The following GOLT1B variants were observed in gnomAD, a reference collection of about 807,000 sequenced individuals.
The protein encoded by GOLT1B is golgi transport 1B.
Under a neutral mutation model 15.4 loss-of-function variants are expected in GOLT1B, and 3 were observed. That is an observed-to-expected ratio of 0.19 (90% CI 0.09 to 0.50). The LOEUF (loss-of-function observed/expected upper bound fraction) is 0.50. GOLT1B is among the 20% of genes least tolerant of loss of function. The probability of loss-of-function intolerance (pLI) is 0.97; values close to 1 mark genes in which losing one functional copy is unlikely to be tolerated. For synonymous variants in GOLT1B, 65 were observed against 56.2 expected (o/e 1.16, Z -0.70); for missense variants, 145 against 160.4 (o/e 0.90, Z 0.52).
intron 1 of GOLT1B, chr12:21,504,527 T>G (rs759978265): frequency 2.0e-6 from 1 of 497,480 alleles, no homozygotes; most frequent in South Asian, 1.5e-5. Context: ...GTTGTAGTTG[T>G]AGGACCATTG....
intron 1 of GOLT1B, among the ~76,000 whole-genome samples, chr12:21,502,706 C>G (rs909084029): frequency 2.0e-5 from 3 of 152,094 alleles, no homozygotes; most frequent in Non-Finnish European, 4.4e-5. Flanking sequence ...GTTTCCTTTT[C>G]TTTCATTATA....
At chr12:21,514,302 A>G (rs768833) in intron 4 of GOLT1B, among the ~76,000 whole-genome samples, 56,248 of 152,142 alleles carry the variant, frequency 0.37, 10,904 homozygotes, top group East Asian at 0.45. Flanking sequence ...AAAGTTGTTC[A>G]CAGATTTTTA....
intron 4 of GOLT1B, among the ~76,000 whole-genome samples, chr12:21,514,667 C>A (rs2136811001): frequency 6.6e-6 from 1 of 152,250 alleles, no homozygotes; most frequent in Admixed American, 6.5e-5. Context: ...CATTAATCTG[C>A]AAATTCATAC....
chr12:21,501,912 A>G lies in GOLT1B; in HGVS notation c.-12A>G, dbSNP rs773711610. 6.2e-7 allele frequency: 1 copy of G among 1,602,042 alleles called. No individual in the cohort carries two copies. Among genetic ancestry groups the G allele is most frequent in the East Asian group, 2.2e-5 (1 of 44,774 alleles). The stretch of plus-strand genomic sequence containing the variant: ...CCGAGGTGCTGTCGCCGCTGTCCCC[A>G]CCACTGCAGCCATGATCTCCTTAAC... On this transcript the variant is annotated 5_prime_UTR_variant, in exon 1 of 5. Coordinates refer to ENST00000229314, the MANE Select transcript of GOLT1B (RefSeq NM_016072.5).
In GOLT1B at chr12:21,512,363, C is replaced by A. The variant is rs1194677848; in HGVS notation, c.365C>A (p.Pro122His). ...VPVLGSLLNL[P>H]GIRSFVDKVG... is the part of the protein sequence containing the mutation. The stretch of plus-strand genomic sequence containing the variant: ...GTCCTTGGATCCCTCCTAAATTTAC[C>A]TGGAATTAGATCAGTAAGTAATCAT... The change falls in exon 4 of 5, where the codon CCT (proline) becomes CAT (histidine). Residue 122 changes from proline to histidine, a missense_variant. Transcript: ENST00000229314. 6.8e-7 allele frequency: 1 copy of A among 1,481,432 alleles called. No homozygotes were observed. Among genetic ancestry groups the A allele is most frequent in the African/African-American group, 1.4e-5 (1 of 72,392 alleles). The allele number at this position is 1,481,432 out of a possible 1,614,324, so 91.8% of individuals were successfully genotyped here. A position where few individuals can be genotyped will look rare whatever the true frequency, so the allele number is the denominator to read the frequency against.
At chr12:21,508,856 G>A (rs989874516) in intron 3 of GOLT1B, among the ~76,000 whole-genome samples, 2 of 150,114 alleles carry the variant, frequency 1.3e-5, no homozygotes, top group African/African-American at 2.4e-5. Context: ...GTGGTAGGTA[G>A]GTCGGTCGAT....
At chr12:21,513,590 G>A (rs565802359) in intron 4 of GOLT1B, among the ~76,000 whole-genome samples, 2 of 151,888 alleles carry the variant, frequency 1.3e-5, no homozygotes, top group Non-Finnish European at 2.9e-5. Context: ...TGGGATTACA[G>A]GTGTGAGCCA....
intron 4 of GOLT1B, 130 bp from the exon 5 acceptor site, chr12:21,515,539 C>A: frequency 1.5e-6 from 1 of 651,436 alleles, no homozygotes; most frequent in South Asian, 1.8e-5. Context: ...TAGTCATTGT[C>A]AGTCATACCT....
In GOLT1B at chr12:21,518,255, TTCTA is replaced by T. The variant is rs1444497846; in HGVS notation, c.*2550_*2553del. On this transcript the variant is annotated 3_prime_UTR_variant, in exon 5 of 5. Coordinates refer to ENST00000229314, the MANE Select transcript of GOLT1B (RefSeq NM_016072.5). ...TAAAAAATTAGCCTTATATGCAGTGTTCTATTTATCAAATGATCTTCACATCTTT... is the reference window on the plus strand; with the variant it reads ...TAAAAAATTAGCCTTATATGCAGTGTTTTATCAAATGATCTTCACATCTTT... 4.6e-5 allele frequency: 7 copies of T among 152,134 alleles called. No individual in the cohort carries two copies. The highest frequency in any genetic ancestry group is 4.6e-4 in the Admixed American group (7 of 15,278). The allele number at this position is 152,134 out of a possible 1,614,324, so 9.4% of individuals were successfully genotyped here.
intron 2 of GOLT1B, 43 bp downstream of exon 2, chr12:21,507,019 T>C: frequency 3.8e-6 from 3 of 783,966 alleles, no homozygotes; most frequent in Non-Finnish European, 6.6e-6. Flanking sequence ...TATAAGGAAA[T>C]TTTAACTACG....
At chr12:21,512,405 C>T (rs367921697) in intron 4 of GOLT1B, 29 bp downstream of exon 4, 1 of 988,194 alleles carries the variant, frequency 1.0e-6, no homozygotes, top group Non-Finnish European at 1.6e-6. Flanking sequence ...TTTAGGCCAA[C>T]AAAATACGTA....
intron 4 of GOLT1B, 126 bp from the exon 5 acceptor site, chr12:21,515,543 C>A: frequency 1.5e-6 from 1 of 657,418 alleles, no homozygotes; most frequent in South Asian, 1.8e-5. Flanking sequence ...CATTGTCAGT[C>A]ATACCTTAAA....
chr12:21,512,439 A>T, intron 4 of GOLT1B, 63 bp downstream of exon 4: 1 of 803,066 alleles, frequency 1.2e-6, no homozygotes, highest in Non-Finnish European at 2.2e-6. Flanking sequence ...TACTTCTAGA[A>T]ATTTGAGTAA....
In GOLT1B at chr12:21,517,838, A is replaced by G. The variant is rs544448138; in HGVS notation, c.*2131A>G. On this transcript the variant is annotated 3_prime_UTR_variant, in exon 5 of 5. Transcript: ENST00000229314. Reference sequence around the variant, plus strand: ...ACCCTTGATGAGACTATTTTTAAACATACTAGTCTGCTGATAGAAAGCACT... The same window carrying G: ...ACCCTTGATGAGACTATTTTTAAACGTACTAGTCTGCTGATAGAAAGCACT... The G allele has an allele frequency of 2.0e-5, 3 of 152,680 alleles. No individual in the cohort carries two copies. Among genetic ancestry groups the G allele is most frequent in the Non-Finnish European group, 4.4e-5 (3 of 67,946 alleles). 9.5% of individuals were successfully genotyped at this position (152,680 alleles called of 1,614,324 possible).
rs544448138 is a variant in GOLT1B at position 21,517,838 on chromosome 12, A to C, written c.*2131A>C. On this transcript the variant is annotated 3_prime_UTR_variant, in exon 5 of 5. Coordinates refer to ENST00000229314, the MANE Select transcript of GOLT1B (RefSeq NM_016072.5). ...ACCCTTGATGAGACTATTTTTAAAC[A>C]TACTAGTCTGCTGATAGAAAGCACT... 2 of 152,562 alleles carry C rather than the reference A, an allele frequency of 1.3e-5. No individual in the cohort carries two copies. The highest frequency in any genetic ancestry group is 2.4e-5 in the African/African-American group (1 of 41,456). 9.5% of individuals were successfully genotyped at this position (152,562 alleles called of 1,614,324 possible).
intron 4 of GOLT1B, among the ~76,000 whole-genome samples, chr12:21,513,530 C>G (rs1370661900): frequency 6.6e-6 from 1 of 151,996 alleles, no homozygotes; most frequent in African/African-American, 2.4e-5. Context: ...TAGAGAGAGT[C>G]TCAAACTCTT....
chr12:21,502,516 C>A (rs1412471324), intron 1 of GOLT1B, among the ~76,000 whole-genome samples: 1 of 152,202 alleles, frequency 6.6e-6, no homozygotes, highest in African/African-American at 2.4e-5. Flanking sequence ...AACATTCTCA[C>A]TTTTCTACCT....
In GOLT1B at chr12:21,507,057, G is replaced by C. The variant is rs539650362; in HGVS notation, c.117+81G>C. ...TGAATTATTATCTGCTATTAAATTT[G>C]GGGAAAATAATTCACTATTACTCAT... On this transcript the variant is annotated intron_variant, in intron 2 of 4. Coordinates refer to ENST00000229314, the MANE Select transcript of GOLT1B (RefSeq NM_016072.5). 1.9e-5 allele frequency: 13 copies of C among 688,198 alleles called. No individual in the cohort carries two copies. The African/African-American group carries it at 2.1e-4, about 11-fold the overall frequency. The allele number at this position is 688,198 out of a possible 1,614,324, so 42.6% of individuals were successfully genotyped here.
chr12:21,508,471 GT>G lies in GOLT1B; in HGVS notation c.213del (p.Leu72TrpfsTer6). 2.5e-6 allele frequency: 4 copies of G among 1,587,340 alleles called. No homozygotes were observed. Among genetic ancestry groups the G allele is most frequent in the East Asian group, 2.2e-5 (1 of 44,448 alleles). On this transcript the variant is annotated frameshift_variant, in exon 3 of 5. Coordinates refer to ENST00000229314, the MANE Select transcript of GOLT1B (RefSeq NM_016072.5). LOFTEE classifies it high-confidence loss of function. The part of the protein sequence containing the change: ...FFQKHKMKAT[G>X]FFLGGVFVVL... ...CAAAAACATAAAATGAAAGCTACAG[GT>G]TTTTTTCTGGGTGGTGTATTTGTAG...
Sources: gnomAD v4.1 joint callset for allele counts (sites outside exome capture counted in the v4.1 genomes callset) on GRCh38, gnomAD v4.1.1 for gene constraint, MANE v1.5 for transcripts, NCBI Gene and HGNC (gene_info 2026-07-23, HGNC 2026-07-21) for gene names.